The following LGALS8 variants were observed in gnomAD, a reference collection of about 807,000 sequenced individuals.
The protein encoded by LGALS8 is galectin-8.
A neutral mutation model predicts 35.9 loss-of-function variants in LGALS8; 30 were observed. That is an observed-to-expected ratio of 0.83 (90% CI 0.62 to 1.13). The LOEUF is 1.13. Among genes scored for constraint, LGALS8 ranks in the 50% most tolerant of loss-of-function variants. The probability of loss-of-function intolerance (pLI) is 0.00; values close to 1 mark genes in which losing one functional copy is unlikely to be tolerated. For missense variants in LGALS8, 366 were observed against 388.7 expected (o/e 0.94, Z 0.49); for synonymous variants, 138 against 136.1 (o/e 1.01, Z -0.10).
In LGALS8 at chr1:236,538,101, A is replaced by AAAAAAAAAAAAAAAAAAAAAAAAAAAG. The variant is rs371245157; in HGVS notation, c.134+519_134+520insAAAAAAAAAAAAAAAAAAAAAAAGAAA. ...GCCTGGGTGACAAAAAAAAAAAAGA[A>AAAAAAAAAAAAAAAAAAAAAAAAAAAG]AAAGAAAAAGAATTAGGTATGTCAT... On this transcript the variant is annotated intron_variant, in intron 3 of 9. Coordinates refer to ENST00000366584, the MANE Select transcript of LGALS8 (RefSeq NM_201544.4). Among the ~76,000 whole-genome samples, 525 of 95,892 alleles carry AAAAAAAAAAAAAAAAAAAAAAAAAAAG rather than the reference A, an allele frequency of 5.5e-3. 76 individuals are homozygous for AAAAAAAAAAAAAAAAAAAAAAAAAAAG. The highest frequency in any genetic ancestry group is 8.9e-3 in the Non-Finnish European group (392 of 43,832). The allele number at this position is 95,892 out of a possible 152,430, so 62.9% of individuals were successfully genotyped here. A position where few individuals can be genotyped will look rare whatever the true frequency, so the allele number is the denominator to read the frequency against.
In LGALS8 at chr1:236,550,992, TAAAAA is replaced by T; in HGVS notation, c.*2845_*2849del. The stretch of plus-strand genomic sequence containing the variant: ...GATGTTCTACTTCTTCACATTCATC[TAAAAA>T]AAAAAAAAAAAAATCAAAATTAAAA... On this transcript the variant is annotated 3_prime_UTR_variant, in exon 10 of 10. Coordinates refer to ENST00000366584, the MANE Select transcript of LGALS8 (RefSeq NM_201544.4). 1.7e-5 allele frequency: 21 copies of T among 1,254,922 alleles called. No homozygotes were observed. Among genetic ancestry groups the T allele is most frequent in the East Asian group, 2.6e-5 (1 of 38,922 alleles). 77.7% of individuals were successfully genotyped at this position (1,254,922 alleles called of 1,614,324 possible).
chr1:236,547,590 CT>C (rs1349487675), intron 9 of LGALS8, among the ~76,000 whole-genome samples: 1 of 152,022 alleles, frequency 6.6e-6, no homozygotes, highest in Non-Finnish European at 1.5e-5. Context: ...TGGTTCCAGG[CT>C]ACAGCTGGAA....
At chr1:236,527,468 A>C (rs544157090) in intron 2 of LGALS8, among the ~76,000 whole-genome samples, 1 of 152,258 alleles carries the variant, frequency 6.6e-6, no homozygotes, top group East Asian at 1.9e-4. Context: ...TTTCCAAGGG[A>C]GATATTTTTG....
rs1662686023 is a variant in LGALS8, at chr1:236,550,648, TAAAC to T, written c.*2493_*2496del. Reference sequence around the variant, plus strand: ...AATCAGGAAGAGAATAATAAATGTTTAAACAAACACAGCAGTCTGTATAAAAATA... The same window carrying T: ...AATCAGGAAGAGAATAATAAATGTTTAAACACAGCAGTCTGTATAAAAATA... On this transcript the variant is annotated 3_prime_UTR_variant, in exon 10 of 10. Coordinates refer to ENST00000366584, the MANE Select transcript of LGALS8 (RefSeq NM_201544.4). The T allele has an allele frequency of 2.4e-6, 1 of 409,854 alleles. No homozygotes were observed. Among genetic ancestry groups the T allele is most frequent in the Non-Finnish European group, 4.3e-6 (1 of 231,158 alleles). The allele number at this position is 409,854 out of a possible 1,614,324, so 25.4% of individuals were successfully genotyped here. A position where few individuals can be genotyped will look rare whatever the true frequency, so the allele number is the denominator to read the frequency against.
chr1:236,521,598 C>T (rs570257393), upstream of LGALS8, among the ~76,000 whole-genome samples: 19 of 152,180 alleles, frequency 1.2e-4, no homozygotes, highest in East Asian at 3.9e-4. Flanking sequence ...GAGGCCGAGG[C>T]GGGCGGATCA....
rs1254674250 is a variant in LGALS8, at chr1:236,548,608, C to T, written c.*447C>T. ...CTACTGCTGCGCACTGCTTTTTCTA[C>T]AGGCATTACATCAACTCCTAAGGGG... On this transcript the variant is annotated 3_prime_UTR_variant, in exon 10 of 10. Coordinates refer to ENST00000366584, the MANE Select transcript of LGALS8 (RefSeq NM_201544.4). 4 of 283,612 alleles carry T rather than the reference C, an allele frequency of 1.4e-5. No individual in the cohort carries two copies. The highest frequency in any genetic ancestry group is 4.3e-5 in the African/African-American group (2 of 46,164). The allele number at this position is 283,612 out of a possible 1,614,324, so 17.6% of individuals were successfully genotyped here. A position where few individuals can be genotyped will look rare whatever the true frequency, so the allele number is the denominator to read the frequency against.
chr1:236,545,052 T>C, intron 9 of LGALS8, 137 bp downstream of exon 9: 1 of 577,846 alleles, frequency 1.7e-6, no homozygotes, highest in South Asian at 2.9e-5. Context: ...GAGATTGTAA[T>C]TTGCCCCTTT....
rs752471097 is a variant in LGALS8 at position 236,550,989 on chromosome 1, A to T, written c.*2828A>T. The T allele has an allele frequency of 7.0e-7, 1 of 1,418,524 alleles. No homozygotes were observed. The highest frequency in any genetic ancestry group is 9.4e-7 in the Non-Finnish European group (1 of 1,068,392). The allele number at this position is 1,418,524 out of a possible 1,614,324, so 87.9% of individuals were successfully genotyped here. A position where few individuals can be genotyped will look rare whatever the true frequency, so the allele number is the denominator to read the frequency against. On this transcript the variant is annotated 3_prime_UTR_variant, in exon 10 of 10. Coordinates refer to ENST00000366584, the MANE Select transcript of LGALS8 (RefSeq NM_201544.4). ...ACTGATGTTCTACTTCTTCACATTCATCTAAAAAAAAAAAAAAAAAATCAA... is the reference window on the plus strand; with the variant it reads ...ACTGATGTTCTACTTCTTCACATTCTTCTAAAAAAAAAAAAAAAAAATCAA...
rs1662780364 is a variant in LGALS8, at chr1:236,552,201, T to C, written c.*4040T>C. 2.6e-6 allele frequency: 2 copies of C among 774,868 alleles called. No homozygotes were observed. The highest frequency in any genetic ancestry group is 1.7e-5 in the South Asian group (1 of 59,700). The allele number at this position is 774,868 out of a possible 1,614,324, so 48.0% of individuals were successfully genotyped here. A position where few individuals can be genotyped will look rare whatever the true frequency, so the allele number is the denominator to read the frequency against. ...TGACTTGAGACAAGCTCTAACTTTT[T>C]AAACATTAGTTCACATGCGTTTATT... On this transcript the variant is annotated 3_prime_UTR_variant, in exon 10 of 10. Transcript: ENST00000366584.
intron 2 of LGALS8, among the ~76,000 whole-genome samples, chr1:236,527,859 C>G (rs934646426): frequency 3.9e-5 from 6 of 151,972 alleles, no homozygotes; most frequent in African/African-American, 9.7e-5. Context: ...CCTCAGCCTC[C>G]TGAGTAGCTG....
intron 6 of LGALS8, 44 bp downstream of exon 6, chr1:236,541,754 G>A: frequency 9.9e-7 from 1 of 1,008,468 alleles, no homozygotes; most frequent in Non-Finnish European, 1.5e-6. Flanking sequence ...TAAAAATGTT[G>A]TTTTAGCTGC....
intron 7 of LGALS8, 119 bp from the exon 8 acceptor site, chr1:236,543,441 C>A: frequency 1.2e-6 from 1 of 803,864 alleles, no homozygotes; most frequent in East Asian, 2.6e-5. Context: ...ACTGTCTCTC[C>A]CCTCCTGGGA....
At chr1:236,522,947 G>C (rs1056658323), upstream of LGALS8, 1 of 152,180 alleles carries the variant, frequency 6.6e-6, no homozygotes, top group Non-Finnish European at 1.5e-5. Context: ...AAGCCAGGGA[G>C]GAGAAAGCCC....
Position 236,551,951 on chromosome 1 carries a change from T to C in LGALS8, c.*3790T>C. 8.0e-7 allele frequency: 1 copy of C among 1,249,772 alleles called. No individual in the cohort carries two copies. Among genetic ancestry groups the C allele is most frequent in the Non-Finnish European group, 1.2e-6 (1 of 854,858 alleles). 77.4% of individuals were successfully genotyped at this position (1,249,772 alleles called of 1,614,324 possible). ...TGGGCACATTTTCACAGAATTTTAC[T>C]GAATTATTCCTTAATTGTTTAATGG... On this transcript the variant is annotated 3_prime_UTR_variant, in exon 10 of 10. Transcript: ENST00000366584.
upstream of LGALS8, among the ~76,000 whole-genome samples, chr1:236,520,202 C>G (rs2103057731): frequency 6.6e-6 from 1 of 152,094 alleles, no homozygotes; most frequent in South Asian, 2.1e-4. Context: ...AGTGATCCAC[C>G]TGCCTCGGCT....
intron 2 of LGALS8, among the ~76,000 whole-genome samples, chr1:236,529,622 GTTT>G (rs11316979): frequency 1.7e-5 from 2 of 114,746 alleles, no homozygotes; most frequent in Non-Finnish European, 3.3e-5. Flanking sequence ...TTCCTTTTCT[GTTT>G]TTTTTTTTTT....
At chr1:236,540,447 C>T (rs1423109992) in intron 4 of LGALS8, 117 bp from the exon 5 acceptor site, 2 of 1,207,218 alleles carry the variant, frequency 1.7e-6, no homozygotes, top group East Asian at 2.6e-5. Context: ...GTGTGGAGAC[C>T]TGTGGGAACA....
chr1:236,530,452 G>A (rs1661082745), intron 2 of LGALS8, among the ~76,000 whole-genome samples: 1 of 151,702 alleles, frequency 6.6e-6, no homozygotes, highest in Non-Finnish European at 1.5e-5. Flanking sequence ...TTTCTTTTTT[G>A]GTTTTACTAG....
intron 2 of LGALS8, among the ~76,000 whole-genome samples, chr1:236,530,264 G>A (rs886412725): frequency 6.6e-6 from 1 of 152,132 alleles, no homozygotes; most frequent in Non-Finnish European, 1.5e-5. Flanking sequence ...AGTATTCTAA[G>A]TACTCCTTTT....
Sources: allele counts gnomAD v4.1 joint callset (sites outside exome capture counted in the v4.1 genomes callset), GRCh38; gene constraint gnomAD v4.1.1; transcripts MANE v1.5; gene names NCBI Gene and HGNC (gene_info 2026-07-23, HGNC 2026-07-21).